The following RBFOX1 variants were observed in gnomAD, a reference collection of about 807,000 sequenced individuals.
The protein encoded by RBFOX1 is RNA binding protein fox-1 homolog 1.
RBFOX1 carries 8 observed loss-of-function variants against 57.7 expected under a neutral mutation model. The ratio of observed to expected loss-of-function variants is 0.14; its 90% CI spans 0.08 to 0.25. The LOEUF (loss-of-function observed/expected upper bound fraction) is 0.25, where lower values mean the gene tolerates loss of function less well. RBFOX1 is among the 10% of genes least tolerant of loss of function. RBFOX1 has a pLI of 1.00. For synonymous variants in RBFOX1, 326 were observed against 222.4 expected, an observed-to-expected ratio of 1.47 and a Z score of -4.15; for missense variants, 611 against 548.5, an observed-to-expected ratio of 1.11 and a Z score of -1.14.
At chr16:5,667,155 C>T (rs951184633) in intron 3 of RBFOX1, among the ~76,000 whole-genome samples, 2 of 151,894 alleles carry the variant, frequency 1.3e-5, no homozygotes, top group African/African-American at 4.8e-5. Context: ...TTTGTTGTTG[C>T]TTACTTAGTT....
At chr16:6,700,517 G>A (rs2061667072) in intron 3 of RBFOX1, among the ~76,000 whole-genome samples, 1 of 152,042 alleles carries the variant, frequency 6.6e-6, no homozygotes, top group African/African-American at 2.4e-5. Context: ...AATCAGCTGG[G>A]TGAGGTGGTG....
chr16:5,296,559 TA>T (rs529106351), intron 1 of RBFOX1, among the ~76,000 whole-genome samples: 9,556 of 149,236 alleles, frequency 0.064, 969 homozygotes, highest in African/African-American at 0.21. Flanking sequence ...ATTTTTTAAT[TA>T]AAAAAAAAAA....
At chr16:6,788,558 C>G (rs982563767) in intron 3 of RBFOX1, among the ~76,000 whole-genome samples, 3 of 151,932 alleles carry the variant, frequency 2.0e-5, no homozygotes, top group African/African-American at 4.8e-5. Context: ...TCACTGCAAG[C>G]TCTGCCTTCT....
intron 3 of RBFOX1, among the ~76,000 whole-genome samples, chr16:6,840,595 A>G (rs1412519495): frequency 6.6e-6 from 1 of 152,070 alleles, no homozygotes; most frequent in East Asian, 1.9e-4. Flanking sequence ...GTGCCTTCAT[A>G]AAAAGGCTTG....
intron 3 of RBFOX1, among the ~76,000 whole-genome samples, chr16:5,824,814 G>A (rs965457533): frequency 6.6e-6 from 1 of 152,136 alleles, no homozygotes; most frequent in Non-Finnish European, 1.5e-5. Context: ...ATCTAGAAGG[G>A]AACCCTGAGG....
chr16:5,253,001 C>G (rs2062491917), intron 1 of RBFOX1, among the ~76,000 whole-genome samples: 1 of 152,238 alleles, frequency 6.6e-6, no homozygotes, highest in African/African-American at 2.4e-5. Context: ...GCCGGTGTGC[C>G]TGATTCATCA....
chr16:7,304,979 G>A (rs536803198), intron 4 of RBFOX1, among the ~76,000 whole-genome samples: 12 of 148,252 alleles, frequency 8.1e-5, no homozygotes, highest in African/African-American at 2.0e-4. Context: ...TTTGTGTGGT[G>A]CTATATTCGG....
At chr16:7,129,527 C>T (rs367799955) in intron 4 of RBFOX1, among the ~76,000 whole-genome samples, 2 of 152,084 alleles carry the variant, frequency 1.3e-5, no homozygotes, top group East Asian at 1.9e-4. Context: ...TGCCATGATA[C>T]TCTTGGATTA....
At chr16:6,813,603 C>T (rs553411909) in intron 3 of RBFOX1, among the ~76,000 whole-genome samples, 1 of 152,328 alleles carries the variant, frequency 6.6e-6, no homozygotes, top group East Asian at 1.9e-4. Context: ...TCTCTCTCCA[C>T]AGGTGGCTCA....
At chr16:5,968,373 C>T (rs1455735014) in intron 4 of RBFOX1, among the ~76,000 whole-genome samples, 2 of 152,110 alleles carry the variant, frequency 1.3e-5, no homozygotes, top group South Asian at 2.1e-4. Context: ...CTGCCCTGGC[C>T]TCTCCAGTAC....
intron 1 of RBFOX1, among the ~76,000 whole-genome samples, chr16:6,307,691 GATA>G (rs980140495): frequency 6.2e-5 from 9 of 146,312 alleles, no homozygotes; most frequent in Admixed American, 1.4e-4. Context: ...TTTTATAAAT[GATA>G]ATCATTTATG....
chr16:7,085,751 T>A (rs1407817332), intron 4 of RBFOX1, among the ~76,000 whole-genome samples: 1 of 152,164 alleles, frequency 6.6e-6, no homozygotes, highest in Non-Finnish European at 1.5e-5. Flanking sequence ...ATTTTCGGTT[T>A]TTTCTTCACT....
At chr16:6,705,554 A>G (rs563539712) in intron 3 of RBFOX1, 2 of 152,262 alleles carry the variant, frequency 1.3e-5, no homozygotes, top group South Asian at 4.1e-4. Context: ...ACCATTCTCC[A>G]AAAAGGGAAG....
intron 1 of RBFOX1, among the ~76,000 whole-genome samples, chr16:6,193,383 A>AC (rs2097156206): frequency 1.6e-5 from 1 of 61,792 alleles, no homozygotes; most frequent in East Asian, 5.0e-4. Flanking sequence ...TATACATTAT[A>AC]TATATATACT....
At chr16:7,335,536 T>G (rs2144689104) in intron 4 of RBFOX1, among the ~76,000 whole-genome samples, 1 of 151,636 alleles carries the variant, frequency 6.6e-6, no homozygotes, top group East Asian at 1.9e-4. Flanking sequence ...CAAGAGTCAT[T>G]TTGAAAATTC....
chr16:6,677,191 A>G (rs1487573536), intron 3 of RBFOX1, among the ~76,000 whole-genome samples: 1 of 152,184 alleles, frequency 6.6e-6, no homozygotes, highest in Admixed American at 6.5e-5. Context: ...AGTTCACATA[A>G]TGAGTAAGTG....
At chr16:7,515,539 T>C (rs1055640860) in intron 4 of RBFOX1, among the ~76,000 whole-genome samples, 12 of 152,080 alleles carry the variant, frequency 7.9e-5, no homozygotes, top group African/African-American at 2.7e-4. Flanking sequence ...ATATGCTAAT[T>C]ACCTGGAATG....
At chr16:6,500,888 T>TG (rs1280970911) in intron 2 of RBFOX1, among the ~76,000 whole-genome samples, 3 of 22,130 alleles carry the variant, frequency 1.4e-4, no homozygotes, top group Non-Finnish European at 5.9e-4. Context: ...TTTTTTTTTT[T>TG]TTTTTTTTTT....
At chr16:6,689,720 G>T (rs1055100472) in intron 3 of RBFOX1, among the ~76,000 whole-genome samples, 2 of 152,102 alleles carry the variant, frequency 1.3e-5, no homozygotes, top group African/African-American at 4.8e-5. Context: ...GTTCTGTTTG[G>T]TTCTTCCCTG....
Sources: gnomAD v4.1 joint callset for allele counts (sites outside exome capture counted in the v4.1 genomes callset) on GRCh38, gnomAD v4.1.1 for gene constraint, MANE v1.5 for transcripts, NCBI Gene and HGNC (gene_info 2026-07-23, HGNC 2026-07-21) for gene names.